The following LRCH1 variants were observed in gnomAD, a reference collection of about 807,000 sequenced individuals.
The protein encoded by LRCH1 is leucine-rich repeat and calponin homology domain-containing protein 1.
In LRCH1, 23 loss-of-function variants were observed where a neutral mutation model predicts 94.9. The observed-to-expected ratio is 0.24, with a 90% CI of 0.17 to 0.34. The LOEUF (loss-of-function observed/expected upper bound fraction) is 0.34. Ranked by LOEUF, LRCH1 falls within the 10% of genes least tolerant of loss-of-function variation. LRCH1 has a pLI of 1.00. For synonymous variants in LRCH1, 364 were observed against 354.9 expected (o/e 1.03, Z -0.29); for missense variants, 790 against 945.9 (o/e 0.84, Z 2.16).
At chr13:46,585,582 C>T (rs575799222) in intron 1 of LRCH1, among the ~76,000 whole-genome samples, 4 of 150,682 alleles carry the variant, frequency 2.7e-5, no homozygotes, top group Non-Finnish European at 5.9e-5. Context: ...CAAAAAAACG[C>T]ATTTCTATAA....
At chr13:46,629,516 C>T (rs1371588269) in intron 1 of LRCH1, among the ~76,000 whole-genome samples, 2 of 152,192 alleles carry the variant, frequency 1.3e-5, no homozygotes, top group African/African-American at 4.8e-5. Flanking sequence ...CCCCTTGTAA[C>T]TCAGCCTTTG....
At chr13:46,616,795 G>A (rs1405940711) in intron 1 of LRCH1, among the ~76,000 whole-genome samples, 9 of 152,240 alleles carry the variant, frequency 5.9e-5, no homozygotes, top group South Asian at 4.1e-4. Flanking sequence ...GGCTGAGTCC[G>A]AAAAGAGAGT....
chr13:46,750,145 A>G (rs1415965639), intron 18 of LRCH1, among the ~76,000 whole-genome samples: 1 of 152,194 alleles, frequency 6.6e-6, no homozygotes, highest in Non-Finnish European at 1.5e-5. Context: ...GTCGGTACAA[A>G]TGAATATTTG....
In LRCH1 at chr13:46,642,198, A is replaced by G. The variant is rs765073103; in HGVS notation, c.308-8003A>G. 2.6e-5 allele frequency among the ~76,000 whole-genome samples: 4 copies of G among 152,246 alleles called. No homozygotes were observed. In the South Asian group the frequency reaches 8.3e-4, roughly 32 times the overall value. ...GGTCACTTACTTTTAGTACAGAGCT[A>G]TAGAAACTTTTTAATGCCTGGTGAC... On this transcript the variant is annotated intron_variant, in intron 1 of 19. Transcript: ENST00000389797.
intron 3 of LRCH1, among the ~76,000 whole-genome samples, chr13:46,679,665 G>A (rs544332481): frequency 5.9e-5 from 9 of 152,308 alleles, no homozygotes; most frequent in Non-Finnish European, 7.4e-5. Context: ...TAGAGCAACC[G>A]CAGTTGGGGG....
chr13:46,671,311 G>A (rs1260231710), intron 3 of LRCH1, among the ~76,000 whole-genome samples: 1 of 152,246 alleles, frequency 6.6e-6, no homozygotes, highest in South Asian at 2.1e-4. Context: ...AATTTTCATA[G>A]CATCACAGTT....
Position 46,734,010 on chromosome 13 carries a change from CT to C in LRCH1, c.2085+14del. The C allele has an allele frequency of 6.7e-7, 1 of 1,482,798 alleles. No individual in the cohort carries two copies. The highest frequency in any genetic ancestry group is 1.2e-5 in the South Asian group (1 of 84,012). 91.9% of individuals were successfully genotyped at this position (1,482,798 alleles called of 1,614,324 possible). On this transcript the variant is annotated intron_variant, in intron 19 of 19. Coordinates refer to ENST00000389797, the MANE Select transcript of LRCH1 (RefSeq NM_001164211.2). Reference sequence around the variant, plus strand: ...TAGGAGTACCAGAGGTAACATCAAACTTACTTCATATAACTGTGTTCTAGTA... The same window carrying C: ...TAGGAGTACCAGAGGTAACATCAAACTACTTCATATAACTGTGTTCTAGTA...
chr13:46,677,912 G>A (rs2051699399), intron 3 of LRCH1, among the ~76,000 whole-genome samples: 1 of 152,020 alleles, frequency 6.6e-6, no homozygotes, highest in Admixed American at 6.5e-5. Flanking sequence ...GTGTATTTGT[G>A]GTATTATAGT....
intron 1 of LRCH1, among the ~76,000 whole-genome samples, chr13:46,581,254 G>GCCT (rs2050361786): frequency 6.6e-6 from 1 of 152,114 alleles, no homozygotes; most frequent in African/African-American, 2.4e-5. Flanking sequence ...TGCCTCCTCT[G>GCCT]CCTCACCTCA....
rs566736545 is a variant in LRCH1, at chr13:46,743,253, G to T, written c.*1405G>T. The T allele has an allele frequency of 3.0e-6, 3 of 985,462 alleles. No individual in the cohort carries two copies. Among genetic ancestry groups the T allele is most frequent in the African/African-American group, 3.5e-5 (2 of 57,348 alleles). The allele number at this position is 985,462 out of a possible 1,614,324, so 61.0% of individuals were successfully genotyped here. On this transcript the variant is annotated 3_prime_UTR_variant, in exon 20 of 20. Coordinates refer to ENST00000389797, the MANE Select transcript of LRCH1 (RefSeq NM_001164211.2). ...TCTGAACATTTTCATGAATCCAGGG[G>T]ACTTGAAAATATGGAAGACCCACAT... is the stretch of plus-strand genomic sequence containing the variant.
downstream of LRCH1, among the ~76,000 whole-genome samples, chr13:46,746,774 C>A (rs956049104): frequency 3.3e-5 from 5 of 152,192 alleles, no homozygotes; most frequent in African/African-American, 1.2e-4. Context: ...TACCATGATT[C>A]ATTCCTAAGT....
chr13:46,654,732 T>G (rs933345693), intron 2 of LRCH1, among the ~76,000 whole-genome samples: 1 of 152,238 alleles, frequency 6.6e-6, no homozygotes, highest in Non-Finnish European at 1.5e-5. Flanking sequence ...AAGTATAGTA[T>G]GATCTGAAAG....
At chr13:46,750,799 G>A in exon 19 of LRCH1, 1 of 567,800 alleles carries the variant, frequency 1.8e-6, no homozygotes, top group East Asian at 3.0e-5. Context: ...GTCTAAGGGA[G>A]GATTTTCTAC....
intron 1 of LRCH1, among the ~76,000 whole-genome samples, chr13:46,575,446 A>G (rs1220838847): frequency 1.3e-5 from 2 of 152,066 alleles, no homozygotes; most frequent in Non-Finnish European, 2.9e-5. Flanking sequence ...TGCTGTGCAC[A>G]CAAATGATTC....
chr13:46,743,797 G>A lies in LRCH1; in HGVS notation c.*1949G>A. On this transcript the variant is annotated 3_prime_UTR_variant, in exon 20 of 20. Coordinates refer to ENST00000389797, the MANE Select transcript of LRCH1 (RefSeq NM_001164211.2). ...AATAATATCAATAAAAACTGAGTAG[G>A]ACACTCATGTAAGAGTAGATTTAAT... 1.5e-5 allele frequency: 15 copies of A among 983,608 alleles called. No individual in the cohort carries two copies. The highest frequency in any genetic ancestry group is 1.8e-5 in the Non-Finnish European group (15 of 828,438). The allele number at this position is 983,608 out of a possible 1,614,324, so 60.9% of individuals were successfully genotyped here.
chr13:46,618,853 G>C (rs929793987), intron 1 of LRCH1, among the ~76,000 whole-genome samples: 7 of 152,128 alleles, frequency 4.6e-5, no homozygotes, highest in Non-Finnish European at 8.8e-5. Context: ...TAGTCACTTA[G>C]AACCTTTCTA....
chr13:46,650,961 C>T (rs1468023645), intron 2 of LRCH1, among the ~76,000 whole-genome samples: 1 of 152,164 alleles, frequency 6.6e-6, no homozygotes, highest in Non-Finnish European at 1.5e-5. Flanking sequence ...TTATGCACAA[C>T]ATAATATCAT....
intron 1 of LRCH1, among the ~76,000 whole-genome samples, chr13:46,586,783 G>A (rs1310300684): frequency 6.6e-6 from 1 of 152,212 alleles, no homozygotes; most frequent in Non-Finnish European, 1.5e-5. Context: ...TAACAGTGAG[G>A]GGTAGGCGCC....
intron 19 of LRCH1, among the ~76,000 whole-genome samples, chr13:46,737,831 G>A (rs1390385701): frequency 1.3e-5 from 2 of 152,002 alleles, no homozygotes; most frequent in African/African-American, 2.4e-5. Flanking sequence ...GACTATTGGA[G>A]GTTTTCAAAT....
Sources: allele counts gnomAD v4.1 joint callset (sites outside exome capture counted in the v4.1 genomes callset), GRCh38; gene constraint gnomAD v4.1.1; transcripts MANE v1.5; gene names NCBI Gene and HGNC (gene_info 2026-07-23, HGNC 2026-07-21).